RIMS2: variants seen among roughly 807,000 people sequenced by gnomAD.
The protein encoded by RIMS2 is regulating synaptic membrane exocytosis 2.
In RIMS2, 59 loss-of-function variants were observed where a neutral mutation model predicts 174.4. That is an observed-to-expected ratio of 0.34 (90% CI 0.27 to 0.42). The LOEUF (loss-of-function observed/expected upper bound fraction) is 0.42, where lower values mean the gene tolerates loss of function less well. Among genes scored for constraint, RIMS2 ranks in the 10% least tolerant of loss-of-function variants. The pLI is 1.00. For missense variants in RIMS2, 1,620 were observed against 1,666.3 expected (o/e 0.97, Z 0.48); for synonymous variants, 606 against 572.5 (o/e 1.06, Z -0.84).
chr8:103,540,335 C>T (rs987330887), intron 1 of RIMS2, among the ~76,000 whole-genome samples: 1 of 152,190 alleles, frequency 6.6e-6, no homozygotes. Flanking sequence ...CTGAAGACTC[C>T]AGTCCTTGCC....
At chr8:104,236,066 A>AAT (rs2099256719) in intron 19 of RIMS2, among the ~76,000 whole-genome samples, 1 of 146,492 alleles carries the variant, frequency 6.8e-6, no homozygotes, top group Non-Finnish European at 1.5e-5. Context: ...AACATTCTGG[A>AAT]TTTTTTTTTT....
At chr8:103,800,628 T>C (rs938607576) in intron 3 of RIMS2, among the ~76,000 whole-genome samples, 1 of 152,208 alleles carries the variant, frequency 6.6e-6, no homozygotes, top group African/African-American at 2.4e-5. Context: ...TATGGTGAAT[T>C]ACACTGATTG....
intron 1 of RIMS2, among the ~76,000 whole-genome samples, chr8:103,594,044 C>T (rs1166599346): frequency 6.6e-6 from 1 of 151,352 alleles, no homozygotes; most frequent in Non-Finnish European, 1.5e-5. Flanking sequence ...ATTGACTTAC[C>T]TACTAAAATA....
intron 3 of RIMS2, among the ~76,000 whole-genome samples, chr8:103,872,747 C>T (rs781190369): frequency 1.4e-4 from 22 of 152,150 alleles, no homozygotes; most frequent in East Asian, 5.8e-4. Context: ...ACTAAGAATG[C>T]GTAGCTTTGT....
At chr8:103,969,260 A>G (rs560916126) in intron 15 of RIMS2, among the ~76,000 whole-genome samples, 4 of 152,018 alleles carry the variant, frequency 2.6e-5, no homozygotes, top group African/African-American at 9.6e-5. Context: ...ATTTTCAATC[A>G]TTATTCTTTC....
At chr8:104,063,092 G>C (rs757430145) in intron 19 of RIMS2, among the ~76,000 whole-genome samples, 1 of 151,754 alleles carries the variant, frequency 6.6e-6, no homozygotes, top group African/African-American at 2.4e-5. Flanking sequence ...CAATTATTTG[G>C]ATAATTTCAA....
intron 2 of RIMS2, among the ~76,000 whole-genome samples, chr8:103,700,775 A>G (rs1178120134): frequency 6.6e-6 from 1 of 151,930 alleles, no homozygotes; most frequent in Non-Finnish European, 1.5e-5. Context: ...TGTTGGCTCA[A>G]TAGCTGTAAC....
chr8:103,915,633 CAA>C, intron 7 of RIMS2, 39 bp downstream of exon 10: 2 of 1,040,076 alleles, frequency 1.9e-6, no homozygotes, highest in Non-Finnish European at 2.9e-6. Flanking sequence ...TTAAACCATT[CAA>C]CTTTAGTAGT....
At chr8:103,803,792 T>C (rs2098631588) in intron 3 of RIMS2, among the ~76,000 whole-genome samples, 1 of 152,174 alleles carries the variant, frequency 6.6e-6, no homozygotes, top group Non-Finnish European at 1.5e-5. Context: ...GGGATCTGTG[T>C]GGGGTCTCTA....
At chr8:103,654,065 G>A (rs889070405) in intron 1 of RIMS2, among the ~76,000 whole-genome samples, 1 of 152,000 alleles carries the variant, frequency 6.6e-6, no homozygotes, top group Non-Finnish European at 1.5e-5. Flanking sequence ...CAATGTCATT[G>A]TTTTGCTTTT....
At chr8:103,597,928 G>A (rs1017358414) in intron 1 of RIMS2, among the ~76,000 whole-genome samples, 5 of 152,030 alleles carry the variant, frequency 3.3e-5, no homozygotes, top group African/African-American at 9.7e-5. Context: ...GCACTTAAAA[G>A]TATTATTTTA....
intron 1 of RIMS2, among the ~76,000 whole-genome samples, chr8:103,670,661 C>G (rs979690985): frequency 4.6e-5 from 7 of 152,190 alleles, no homozygotes; most frequent in African/African-American, 1.7e-4. Context: ...TTGCCAGTCT[C>G]TTTGCTAAAA....
intron 3 of RIMS2, chr8:103,880,524 A>AAC (rs979077291): frequency 2.3e-5 from 9 of 388,978 alleles, no homozygotes; most frequent in Admixed American, 8.9e-5. Flanking sequence ...TTTGAAATAA[A>AAC]ACAATTGTAA....
intron 1 of RIMS2, among the ~76,000 whole-genome samples, chr8:103,579,277 A>ACACT (rs1262430749): frequency 8.1e-4 from 122 of 151,112 alleles, no homozygotes; most frequent in Non-Finnish European, 1.5e-3. Context: ...ACACACAGAC[A>ACACT]CACACACACA....
rs562274821 is a variant in RIMS2 at position 103,514,926 on chromosome 8, C to CA, written c.176+13871dup. On this transcript the variant is annotated intron_variant, in intron 1 of 23. Transcript: ENST00000504942. ...AACAACAACAACAACAACAAAAAAACAAAAAAACAAAAAAAAACACACACA... is the reference window on the plus strand; with the variant it reads ...AACAACAACAACAACAACAAAAAAACAAAAAAAACAAAAAAAAACACACACA... Among the ~76,000 whole-genome samples, 335 of 149,664 alleles carry CA rather than the reference C, an allele frequency of 2.2e-3. 1 individual carries two copies. Among genetic ancestry groups the CA allele is most frequent in the African/African-American group, 7.9e-3 (316 of 40,034 alleles).
At chr8:103,954,211 C>G (rs900994781) in intron 14 of RIMS2, among the ~76,000 whole-genome samples, 30 of 152,140 alleles carry the variant, frequency 2.0e-4, no homozygotes, top group Non-Finnish European at 7.3e-5. Flanking sequence ...AGAAAATTAA[C>G]AAGGATATTC....
At chr8:103,940,039 A>G (rs960842794) in intron 13 of RIMS2, among the ~76,000 whole-genome samples, 1 of 152,056 alleles carries the variant, frequency 6.6e-6, no homozygotes, top group Admixed American at 6.6e-5. Flanking sequence ...AGCCCTCCAA[A>G]CTGTTCCAAC....
At chr8:103,568,340 A>G (rs1288854562) in intron 1 of RIMS2, among the ~76,000 whole-genome samples, 1 of 152,156 alleles carries the variant, frequency 6.6e-6, no homozygotes, top group Non-Finnish European at 1.5e-5. Context: ...AATTAAAATT[A>G]TGGTTCAGAG....
At chr8:103,849,203 C>G (rs983355783) in intron 3 of RIMS2, among the ~76,000 whole-genome samples, 1 of 152,056 alleles carries the variant, frequency 6.6e-6, no homozygotes, top group African/African-American at 2.4e-5. Flanking sequence ...AGTCCACTTA[C>G]AGCAGTGATG....
Sources: gnomAD v4.1 joint callset for allele counts (sites outside exome capture counted in the v4.1 genomes callset) on GRCh38, gnomAD v4.1.1 for gene constraint, MANE v1.5 for transcripts, NCBI Gene and HGNC (gene_info 2026-07-23, HGNC 2026-07-21) for gene names.